The following UGT1A6 variants were observed in gnomAD, a reference collection of about 807,000 sequenced individuals.
The protein encoded by UGT1A6 is UDP glucuronosyltransferase family 1 member A6, also known as UDP-glucuronosyltransferase 1A6.
A neutral mutation model predicts 44.4 loss-of-function variants in UGT1A6; 32 were observed. The ratio of observed to expected loss-of-function variants is 0.72; its 90% CI spans 0.54 to 0.97. UGT1A6 has a LOEUF of 0.97. Among genes scored for constraint, UGT1A6 ranks in the 50% least tolerant of loss-of-function variants. The pLI, the probability that UGT1A6 is intolerant of heterozygous loss-of-function variation, is 0.00. For synonymous variants in UGT1A6, 238 were observed against 248.5 expected (o/e 0.96, Z 0.40); for missense variants, 685 against 661.9 (o/e 1.03, Z -0.38).
intron 1 of UGT1A6, among the ~76,000 whole-genome samples, chr2:233,745,434 A>C (rs1034656561): frequency 2.6e-5 from 4 of 151,684 alleles, no homozygotes; most frequent in Non-Finnish European, 4.4e-5. Context: ...TTGTGAGGCA[A>C]TACACTAGTA....
At position 233,738,564 on chromosome 2, in the gene UGT1A6, T is replaced by G. The variant is rs1575624453; in HGVS notation, c.862-28470T>G. Reference sequence around the variant, plus strand: ...GAGTCTCAGATAGAGATGAGGAATCTGTTGAGAACTGGAGCAAAGGTCACT... The same window carrying G: ...GAGTCTCAGATAGAGATGAGGAATCGGTTGAGAACTGGAGCAAAGGTCACT... On this transcript the variant is annotated intron_variant, in intron 1 of 4. Transcript: ENST00000305139. Among the ~76,000 whole-genome samples, 3 of 152,322 alleles carry G rather than the reference T, an allele frequency of 2.0e-5. No individual in the cohort carries two copies. The South Asian group carries it at 6.2e-4, about 32-fold the overall frequency.
intron 1 of UGT1A6, among the ~76,000 whole-genome samples, chr2:233,702,680 G>A (rs1358837943): frequency 7.2e-5 from 11 of 152,088 alleles, no homozygotes; most frequent in African/African-American, 1.7e-4. Flanking sequence ...TACCTGAGGT[G>A]TTTGGTTTTG....
intron 1 of UGT1A6, chr2:233,761,022 G>A (rs749651784): frequency 1.2e-6 from 2 of 1,614,120 alleles, no homozygotes; most frequent in Non-Finnish European, 1.7e-6. Context: ...TGACTGTCCA[G>A]GACCTATTGA....
intron 1 of UGT1A6, among the ~76,000 whole-genome samples, chr2:233,733,415 C>T (rs778280209): frequency 6.6e-5 from 10 of 152,224 alleles, no homozygotes; most frequent in East Asian, 1.9e-4. Context: ...TTCCAGTTTT[C>T]GCCTACTCAG....
intron 1 of UGT1A6, among the ~76,000 whole-genome samples, chr2:233,719,977 G>A (rs928010366): frequency 8.5e-5 from 13 of 152,146 alleles, no homozygotes; most frequent in Admixed American, 4.6e-4. Flanking sequence ...CCTTCAGCTC[G>A]GCAGGATCAG....
At chr2:233,719,049 C>T in intron 1 of UGT1A6, 1 of 1,614,286 alleles carries the variant, frequency 6.2e-7, no homozygotes, top group South Asian at 1.1e-5. Flanking sequence ...ATTTTTCACC[C>T]TGACAGCCTA....
chr2:233,692,923 A>G lies in UGT1A6; in HGVS notation c.-82A>G. ...ACAGGACCTGTGAAAAGCAGTGGTT[A>G]GTTTAGGGAAAATACCTAGGAGCCC... On this transcript the variant is annotated 5_prime_UTR_variant, in exon 1 of 5. Coordinates refer to ENST00000305139, the MANE Select transcript of UGT1A6 (RefSeq NM_001072.4). 1 of 1,573,424 alleles carries G rather than the reference A, an allele frequency of 6.4e-7. No individual in the cohort carries two copies. Among genetic ancestry groups the G allele is most frequent in the Non-Finnish European group, 8.6e-7 (1 of 1,164,608 alleles).
rs1043133002 is a variant in UGT1A6 at position 233,769,410 on chromosome 2, C to A, written c.1301+971C>A. 7.5e-7 allele frequency: 1 copy of A among 1,333,034 alleles called. No homozygotes were observed. The highest frequency in any genetic ancestry group is 1.1e-6 in the Non-Finnish European group (1 of 947,460). The allele number at this position is 1,333,034 out of a possible 1,614,324, so 82.6% of individuals were successfully genotyped here. ...GATACTGTGTGCATATGTGCGTGTG[C>A]GTTTGTGCATGTGGCTGTGCTCATG... On this transcript the variant is annotated intron_variant, in intron 4 of 4. Transcript: ENST00000305139. The surrounding 1 kb of genome is among the most constrained non-coding windows in gnomAD (Gnocchi z 4.4).
intron 1 of UGT1A6, among the ~76,000 whole-genome samples, chr2:233,722,767 A>G (rs2077035171): frequency 6.6e-6 from 1 of 151,610 alleles, no homozygotes; most frequent in Non-Finnish European, 1.5e-5. Flanking sequence ...CTGTTACCTA[A>G]TTCTGATATT....
chr2:233,743,960 G>C (rs745723342), intron 1 of UGT1A6: 11 of 1,334,214 alleles, frequency 8.2e-6, no homozygotes, highest in Non-Finnish European at 1.1e-5. Flanking sequence ...CACAGCGAGC[G>C]GCAAGGCTGC....
Position 233,756,099 on chromosome 2 carries a change from C to T in UGT1A6, c.862-10935C>T, listed in dbSNP as rs117664856. ...ATGAGAAAATCAAGTAACATTATTACGGAAATAGTTTTGACTTTGTAAAAT... is the reference window on the plus strand; with the variant it reads ...ATGAGAAAATCAAGTAACATTATTATGGAAATAGTTTTGACTTTGTAAAAT... On this transcript the variant is annotated intron_variant, in intron 1 of 4. Coordinates refer to ENST00000305139, the MANE Select transcript of UGT1A6 (RefSeq NM_001072.4). 23 of 152,310 alleles carry T rather than the reference C, an allele frequency of 1.5e-4. 1 individual carries two copies. In the East Asian group the frequency reaches 4.0e-3, roughly 27 times the overall value. 9.4% of individuals were successfully genotyped at this position (152,310 alleles called of 1,614,324 possible). A position where few individuals can be genotyped will look rare whatever the true frequency, so the allele number is the denominator to read the frequency against.
At chr2:233,722,580 G>A (rs764999406) in intron 1 of UGT1A6, among the ~76,000 whole-genome samples, 2 of 152,194 alleles carry the variant, frequency 1.3e-5, no homozygotes, top group African/African-American at 2.4e-5. Context: ...TTGCAACTTC[G>A]TTAGAGGACT....
At chr2:233,728,783 A>T (rs1324632843) in intron 1 of UGT1A6, among the ~76,000 whole-genome samples, 1 of 152,246 alleles carries the variant, frequency 6.6e-6, no homozygotes, top group Admixed American at 6.5e-5. Context: ...CCTGATAAAC[A>T]TGGTTAACAG....
intron 1 of UGT1A6, chr2:233,760,489 A>C (rs756552149): frequency 6.2e-7 from 1 of 1,614,268 alleles, no homozygotes; most frequent in East Asian, 2.2e-5. Context: ...CTCGTTGTAC[A>C]TCAGAGACGG....
chr2:233,738,914 G>A (rs1053484676), intron 1 of UGT1A6: 2 of 152,216 alleles, frequency 1.3e-5, no homozygotes, highest in Non-Finnish European at 2.9e-5. Flanking sequence ...CCCATCACAG[G>A]CCTGGAGGCC....
At chr2:233,758,825 C>A (rs929060485) in intron 1 of UGT1A6, among the ~76,000 whole-genome samples, 2 of 152,114 alleles carry the variant, frequency 1.3e-5, no homozygotes, top group Admixed American at 6.5e-5. Flanking sequence ...ATATCCCCCC[C>A]AAAAAGAGTG....
rs942942748 is a variant in UGT1A6, at chr2:233,747,245, G to A, written c.862-19789G>A. 1.9e-6 allele frequency: 3 copies of A among 1,602,546 alleles called. No individual in the cohort carries two copies. In the African/African-American group the frequency reaches 4.0e-5, roughly 22 times the overall value. On this transcript the variant is annotated intron_variant, in intron 1 of 4. Transcript: ENST00000305139. ...ACAGGACCCCAGGTTCCCCTGCTGT[G>A]GCTGGCCACAGGAGTGCTACTCCTT... is the stretch of plus-strand genomic sequence containing the variant.
In UGT1A6 at chr2:233,769,168, C is replaced by T. The variant is rs1699803234; in HGVS notation, c.1301+729C>T. Among the ~76,000 whole-genome samples the T allele has an allele frequency of 6.6e-6, 1 of 152,082 alleles. No individual in the cohort carries two copies. Among genetic ancestry groups the T allele is most frequent in the Non-Finnish European group, 1.5e-5 (1 of 68,026 alleles). The stretch of plus-strand genomic sequence containing the variant: ...ACTGGAACCTGTGAGAAATTTTGTC[C>T]ATGGAGTTTATGAATGAAGGAGCTA... On this transcript the variant is annotated intron_variant, in intron 4 of 4. Coordinates refer to ENST00000305139, the MANE Select transcript of UGT1A6 (RefSeq NM_001072.4). The surrounding 1 kb of genome is among the most constrained non-coding windows in gnomAD (Gnocchi z 4.4).
Position 233,768,531 on chromosome 2 carries a change from G to A in UGT1A6, c.1301+92G>A, listed in dbSNP as rs868518109. ...AAACATTTACGTAGCATTTAATAGC[G>A]TTGTTTCAAATATAAAAACAAATAC... On this transcript the variant is annotated intron_variant, in intron 4 of 4. Transcript: ENST00000305139. 3.8e-5 allele frequency: 56 copies of A among 1,481,648 alleles called. No individual in the cohort carries two copies. In the East Asian group the frequency reaches 3.8e-4, roughly 10 times the overall value. 91.8% of individuals were successfully genotyped at this position (1,481,648 alleles called of 1,614,324 possible).
Sources: allele counts gnomAD v4.1 joint callset (sites outside exome capture counted in the v4.1 genomes callset), GRCh38; gene constraint gnomAD v4.1.1; non-coding constraint Gnocchi (gnomAD v3.1); transcripts MANE v1.5; gene names NCBI Gene and HGNC (gene_info 2026-07-23, HGNC 2026-07-21).